CCDC102B: variants seen among roughly 807,000 people sequenced by gnomAD.
CCDC102B encodes coiled-coil domain containing 102B.
Under a neutral mutation model 57.4 loss-of-function variants are expected in CCDC102B, and 75 were observed. The observed-to-expected ratio is 1.31, with a 90% CI of 1.08 to 1.58. The LOEUF is 1.58. CCDC102B is among the 40% of genes most tolerant of loss of function. The pLI, the probability that CCDC102B is intolerant of heterozygous loss-of-function variation, is 0.00. For synonymous variants in CCDC102B, 206 were observed against 201.9 expected (o/e 1.02, Z -0.17); for missense variants, 636 against 582.6 (o/e 1.09, Z -0.94).
Position 68,789,368 on chromosome 18 carries a change from C to T in CCDC102B, c.-66-33998C>T, listed in dbSNP as rs1036526192. On this transcript the variant is annotated intron_variant, in intron 2 of 3. Transcript: ENST00000578970. ...GTTCTCTGTATTTCCTGAATCTGAACGTTGGCCTGCTTTGCTAGATTGGGG... is the reference window on the plus strand; with the variant it reads ...GTTCTCTGTATTTCCTGAATCTGAATGTTGGCCTGCTTTGCTAGATTGGGG... Among the ~76,000 whole-genome samples the T allele has an allele frequency of 2.3e-3, 352 of 152,154 alleles. 2 individuals are homozygous for T. Among genetic ancestry groups the T allele is most frequent in the African/African-American group, 8.0e-3 (330 of 41,498 alleles).
At chr18:68,790,871 T>C (rs777368699) in intron 2 of CCDC102B, among the ~76,000 whole-genome samples, 1 of 152,122 alleles carries the variant, frequency 6.6e-6, no homozygotes, top group African/African-American at 2.4e-5. Flanking sequence ...GTAACTTTTA[T>C]TGTGTTTTGT....
intron 6 of CCDC102B, among the ~76,000 whole-genome samples, chr18:68,910,423 G>A (rs2040799395): frequency 6.6e-6 from 1 of 152,196 alleles, no homozygotes; most frequent in African/African-American, 2.4e-5. Context: ...TAAATATTTT[G>A]TGAGGTCTAG....
chr18:68,966,592 G>C (rs943899033), intron 6 of CCDC102B, among the ~76,000 whole-genome samples: 1 of 152,044 alleles, frequency 6.6e-6, no homozygotes, highest in Non-Finnish European at 1.5e-5. Context: ...TTTGGCTTTG[G>C]ATCAACCTTT....
At chr18:68,727,394 G>C (rs558107752) in intron 2 of CCDC102B, among the ~76,000 whole-genome samples, 58 of 152,128 alleles carry the variant, frequency 3.8e-4, no homozygotes, top group African/African-American at 1.4e-3. Context: ...CCAATAATTG[G>C]AGGACATAAA....
chr18:68,906,131 G>A lies in CCDC102B; in HGVS notation c.1263+8703G>A, dbSNP rs565555541. On this transcript the variant is annotated intron_variant, in intron 6 of 7. Transcript: ENST00000360242. ...TTAAATTTATCATAATGTTTTCAAG[G>A]TTCATGCACATTGTAGCATACATCA... Among the ~76,000 whole-genome samples the A allele has an allele frequency of 1.7e-3, 254 of 152,182 alleles. 1 individual carries two copies. The highest frequency in any genetic ancestry group is 5.8e-3 in the African/African-American group (242 of 41,518).
intron 6 of CCDC102B, among the ~76,000 whole-genome samples, chr18:68,925,619 G>T (rs2041450691): frequency 6.6e-6 from 1 of 151,872 alleles, no homozygotes; most frequent in Admixed American, 6.6e-5. Flanking sequence ...ACCTACTATG[G>T]GTCAATGCTT....
At chr18:68,888,292 T>G (rs2039958565) in intron 5 of CCDC102B, among the ~76,000 whole-genome samples, 1 of 152,174 alleles carries the variant, frequency 6.6e-6, no homozygotes, top group South Asian at 2.1e-4. Flanking sequence ...TCCTAATTGC[T>G]TTTTAGTTTA....
intron 6 of CCDC102B, among the ~76,000 whole-genome samples, chr18:68,944,908 T>TA (rs1018076122): frequency 2.0e-5 from 3 of 152,028 alleles, no homozygotes; most frequent in Non-Finnish European, 2.9e-5. Flanking sequence ...TGCTCCTTTA[T>TA]AAAAGTCATC....
At chr18:69,052,929 T>A (rs1034350205) in intron 7 of CCDC102B, among the ~76,000 whole-genome samples, 1 of 151,954 alleles carries the variant, frequency 6.6e-6, no homozygotes, top group African/African-American at 2.4e-5. Flanking sequence ...TAGAGATAAT[T>A]TAAAATATAG....
chr18:68,857,256 T>TTATATATTATATAA (rs1207346944), intron 4 of CCDC102B, among the ~76,000 whole-genome samples: 7,549 of 55,226 alleles, frequency 0.14, 1,932 homozygotes, highest in Non-Finnish European at 0.2. Flanking sequence ...ATTTATTATT[T>TTATATATTATATAA]AAATATATAA....
At chr18:68,780,052 T>G (rs540956431) in intron 2 of CCDC102B, among the ~76,000 whole-genome samples, 27 of 152,252 alleles carry the variant, frequency 1.8e-4, no homozygotes, top group African/African-American at 6.5e-4. Flanking sequence ...GGCAAACAAT[T>G]ATCTACTTTC....
At chr18:68,998,657 A>G (rs1291624483) in intron 6 of CCDC102B, among the ~76,000 whole-genome samples, 1 of 151,740 alleles carries the variant, frequency 6.6e-6, no homozygotes, top group African/African-American at 2.4e-5. Context: ...GCTCCTGGCA[A>G]ACCACTGGTA....
chr18:68,803,453 A>G (rs2035924812), intron 1 of CCDC102B, among the ~76,000 whole-genome samples: 1 of 152,238 alleles, frequency 6.6e-6, no homozygotes, highest in South Asian at 2.1e-4. Flanking sequence ...ACACTCTTGA[A>G]ATAACCAGGG....
intron 6 of CCDC102B, among the ~76,000 whole-genome samples, chr18:68,899,058 A>T (rs2040343934): frequency 6.6e-6 from 1 of 152,038 alleles, no homozygotes; most frequent in Admixed American, 6.6e-5. Context: ...GTCAGTGGGT[A>T]TGCTGATCAC....
At chr18:68,765,282 AG>A (rs1232330952) in intron 2 of CCDC102B, among the ~76,000 whole-genome samples, 8 of 145,318 alleles carry the variant, frequency 5.5e-5, no homozygotes, top group African/African-American at 1.8e-4. Context: ...AGAGAAAGAA[AG>A]AAAAGAAAGA....
rs1216899870 is a variant in CCDC102B at position 68,857,285 on chromosome 18, TTTATATATTATATA to T, written c.936+10866_936+10879del. ...TATATAAATATATATATAATATATA[TTTATATATTATATA>T]TATAATATATATTTATATATTATAT... On this transcript the variant is annotated intron_variant, in intron 4 of 7. Coordinates refer to ENST00000360242, the MANE Select transcript of CCDC102B (RefSeq NM_024781.3). Among the ~76,000 whole-genome samples, 29 of 7,604 alleles carry T rather than the reference TTTATATATTATATA, an allele frequency of 3.8e-3. 6 individuals are homozygous for T. The highest frequency in any genetic ancestry group is 0.027 in the East Asian group (5 of 186). The allele number at this position is 7,604 out of a possible 152,430, so 5.0% of individuals were successfully genotyped here. A position where few individuals can be genotyped will look rare whatever the true frequency, so the allele number is the denominator to read the frequency against.
At chr18:68,976,966 G>T (rs992983733) in intron 6 of CCDC102B, among the ~76,000 whole-genome samples, 5 of 151,854 alleles carry the variant, frequency 3.3e-5, no homozygotes, top group African/African-American at 1.2e-4. Context: ...ATACCACAAG[G>T]AATATCCCAA....
chr18:68,996,354 T>A (rs2051027352), intron 6 of CCDC102B, among the ~76,000 whole-genome samples: 1 of 152,182 alleles, frequency 6.6e-6, no homozygotes, highest in African/African-American at 2.4e-5. Context: ...TCTTGGGCTT[T>A]TGGCCACAGA....
At position 68,857,120 on chromosome 18, in the gene CCDC102B, T is replaced by TG. The variant is rs1447858318; in HGVS notation, c.936+10699_936+10700insG. On this transcript the variant is annotated intron_variant, in intron 4 of 7. Coordinates refer to ENST00000360242, the MANE Select transcript of CCDC102B (RefSeq NM_024781.3). ...TTTTTATATATTATATATAAATATATTTATATATTTTTATATATTATATAT... is the reference window on the plus strand; with the variant it reads ...TTTTTATATATTATATATAAATATATGTTATATATTTTTATATATTATATAT... Among the ~76,000 whole-genome samples, 50 of 51,296 alleles carry TG rather than the reference T, an allele frequency of 9.7e-4. 4 individuals carry two copies. The highest frequency in any genetic ancestry group is 1.8e-3 in the African/African-American group (21 of 11,982). The allele number at this position is 51,296 out of a possible 152,430, so 33.7% of individuals were successfully genotyped here. A position where few individuals can be genotyped will look rare whatever the true frequency, so the allele number is the denominator to read the frequency against.
Sources: gnomAD v4.1 joint callset for allele counts (sites outside exome capture counted in the v4.1 genomes callset) on GRCh38, gnomAD v4.1.1 for gene constraint, MANE v1.5 for transcripts, NCBI Gene and HGNC (gene_info 2026-07-23, HGNC 2026-07-21) for gene names.